The following NCAPG variants were observed in gnomAD, a reference collection of about 807,000 sequenced individuals.
NCAPG encodes non-SMC condensin I complex subunit G, also known as condensin complex subunit 3.
Under a neutral mutation model 113.1 loss-of-function variants are expected in NCAPG, and 69 were observed. The ratio of observed to expected loss-of-function variants is 0.61; its 90% CI spans 0.50 to 0.75. NCAPG has a LOEUF of 0.75. NCAPG is among the 30% of genes least tolerant of loss of function. NCAPG has a pLI of 0.00. For missense variants in NCAPG, 1,058 were observed against 1,177.0 expected, an observed-to-expected ratio of 0.90 and a Z score of 1.48; for synonymous variants, 370 against 415.8, an observed-to-expected ratio of 0.89 and a Z score of 1.34.
intron 3 of NCAPG, 109 bp from the exon 4 acceptor site, chr4:17,814,744 T>C (rs904108319): frequency 8.0e-7 from 1 of 1,248,262 alleles, no homozygotes. Flanking sequence ...ATGCCCAGCC[T>C]ATCTTTATCA....
rs16895868 is a variant in NCAPG at position 17,840,719 on chromosome 4, T to C, written c.2854+26T>C. On this transcript the variant is annotated intron_variant, in intron 19 of 20. Coordinates refer to ENST00000251496, the MANE Select transcript of NCAPG (RefSeq NM_022346.5). The stretch of plus-strand genomic sequence containing the variant: ...GTAGTGTGTGGATTGACCATCTTTA[T>C]GATAAAAGTTTTAAATTTTATCTTC... 9.7e-3 allele frequency: 13,497 copies of C among 1,388,994 alleles called. 1,119 individuals carry two copies. In the African/African-American group the frequency reaches 0.18, roughly 19 times the overall value. The allele number at this position is 1,388,994 out of a possible 1,614,324, so 86.0% of individuals were successfully genotyped here. A position where few individuals can be genotyped will look rare whatever the true frequency, so the allele number is the denominator to read the frequency against.
intron 19 of NCAPG, 150 bp from the exon 20 acceptor site, chr4:17,842,160 C>CTGG (rs1200212405): frequency 1.7e-6 from 1 of 591,412 alleles, no homozygotes; most frequent in African/African-American, 1.9e-5. Flanking sequence ...GCAGTGATAA[C>CTGG]TGGTACCAAG....
chr4:17,813,631 T>G (rs1050974339), intron 3 of NCAPG, among the ~76,000 whole-genome samples: 10 of 152,200 alleles, frequency 6.6e-5, no homozygotes, highest in South Asian at 4.1e-4. Flanking sequence ...TTGGGTTATA[T>G]GAATTGTAGA....
At position 17,814,904 on chromosome 4, in the gene NCAPG, T is replaced by C; in HGVS notation, c.596T>C (p.Val199Ala). The C allele has an allele frequency of 1.5e-5, 25 of 1,614,208 alleles. No homozygotes were observed. Among genetic ancestry groups the C allele is most frequent in the Non-Finnish European group, 2.1e-5 (25 of 1,180,020 alleles). ...NDSNPEVRRA[V>A]LSCIAPSAKT... is the part of the protein sequence containing the mutation. ...TCAAATCCAGAAGTTAGACGGGCAG[T>C]GTTATCATGTATTGCACCATCAGCA... Residue 199 changes from valine (V) to alanine (A), a missense_variant, in exon 4 of 21, where the codon GTG becomes GCG. Physicochemically the swap from Val to Ala is moderately conservative, Grantham distance 64 (BLOSUM62 0). Transcript: ENST00000251496.
rs1560239351 is a variant in NCAPG, at chr4:17,844,064, G to A, written c.*639G>A. On this transcript the variant is annotated 3_prime_UTR_variant, in exon 21 of 21. Coordinates refer to ENST00000251496, the MANE Select transcript of NCAPG (RefSeq NM_022346.5). ...TTGTTTGTGAATGTTTCCTGGATTAGGGAGGTGTCAACATAAATGTATTAT... is the reference window on the plus strand; with the variant it reads ...TTGTTTGTGAATGTTTCCTGGATTAAGGAGGTGTCAACATAAATGTATTAT... The A allele has an allele frequency of 6.6e-6, 1 of 151,896 alleles. No individual in the cohort carries two copies. Among genetic ancestry groups the A allele is most frequent in the Non-Finnish European group, 1.5e-5 (1 of 67,830 alleles). 9.4% of individuals were successfully genotyped at this position (151,896 alleles called of 1,614,324 possible). A position where few individuals can be genotyped will look rare whatever the true frequency, so the allele number is the denominator to read the frequency against.
In NCAPG at chr4:17,822,190, CTTTTTTTTTTT is replaced by C. The variant is rs1159844034; in HGVS notation, c.1119-782_1119-772del. On this transcript the variant is annotated intron_variant, in intron 7 of 20. Transcript: ENST00000251496. Reference sequence around the variant, plus strand: ...TAATTAGGCATGATGAAGATTAAATCTTTTTTTTTTTTTTTTTTTTTGAGATGGAGTTTTTC... The same window carrying C: ...TAATTAGGCATGATGAAGATTAAATCTTTTTTTTTTGAGATGGAGTTTTTC... Among the ~76,000 whole-genome samples the C allele has an allele frequency of 4.5e-5, 5 of 111,762 alleles. No homozygotes were observed. In the East Asian group the frequency reaches 1.3e-3, roughly 29 times the overall value. The allele number at this position is 111,762 out of a possible 152,430, so 73.3% of individuals were successfully genotyped here. A position where few individuals can be genotyped will look rare whatever the true frequency, so the allele number is the denominator to read the frequency against.
intron 7 of NCAPG, among the ~76,000 whole-genome samples, chr4:17,820,123 A>T (rs919329445): frequency 6.6e-6 from 1 of 152,134 alleles, no homozygotes; most frequent in African/African-American, 2.4e-5. Flanking sequence ...AATATGAGGA[A>T]ATGTTAAATA....
chr4:17,821,919 A>G (rs1234252221), intron 7 of NCAPG, among the ~76,000 whole-genome samples: 1 of 152,142 alleles, frequency 6.6e-6, no homozygotes, highest in African/African-American at 2.4e-5. Flanking sequence ...TACTGAATAT[A>G]CAGCCTTCTT....
At chr4:17,842,110 TAA>T in intron 19 of NCAPG, 198 bp from the exon 20 acceptor site, 1 of 513,230 alleles carries the variant, frequency 1.9e-6, no homozygotes. Flanking sequence ...GCTTACAAAA[TAA>T]ATTAAGTTTT....
At chr4:17,821,955 T>C (rs1721473234) in intron 7 of NCAPG, among the ~76,000 whole-genome samples, 1 of 152,052 alleles carries the variant, frequency 6.6e-6, no homozygotes, top group South Asian at 2.1e-4. Context: ...GGGCTTTAGT[T>C]TGGGTGGTGA....
Position 17,828,275 on chromosome 4 carries a change from T to G in NCAPG, c.1654-3T>G. 6.3e-7 allele frequency: 1 copy of G among 1,597,572 alleles called. No homozygotes were observed. Among genetic ancestry groups the G allele is most frequent in the Non-Finnish European group, 8.5e-7 (1 of 1,170,986 alleles). On this transcript the variant is annotated splice_polypyrimidine_tract_variant and splice_region_variant and intron_variant, in intron 11 of 20. Transcript: ENST00000251496. ...AATGCTGAATATTTTGTCTTCATTT[T>G]AGAATGATGCTGAAACATTGCAGAA...
Position 17,817,322 on chromosome 4 carries a change from AAATATCTTAG to A in NCAPG, c.839_848del (p.Asn280SerfsTer8). On this transcript the variant is annotated frameshift_variant, in exon 6 of 21. Coordinates refer to ENST00000251496, the MANE Select transcript of NCAPG (RefSeq NM_022346.5). LOFTEE classifies it high-confidence loss of function. The stretch of plus-strand genomic sequence containing the variant: ...AAGGCTGGTTACGGTTCTCTGAAGG[AAATATCTTAG>A]AGTTGCTCCATCGGTTGGATGTAGA... The A allele has an allele frequency of 6.2e-7, 1 of 1,614,122 alleles. No individual in the cohort carries two copies. The highest frequency in any genetic ancestry group is 1.3e-5 in the African/African-American group (1 of 75,044).
intron 14 of NCAPG, among the ~76,000 whole-genome samples, 170 bp downstream of exon 14, chr4:17,834,693 A>G (rs1354332235): frequency 1.3e-5 from 2 of 152,022 alleles, no homozygotes; most frequent in Non-Finnish European, 2.9e-5. Flanking sequence ...GCACCCATCA[A>G]CCCATCTACA....
chr4:17,818,322 A>G (rs1721304281), intron 7 of NCAPG, among the ~76,000 whole-genome samples: 1 of 152,212 alleles, frequency 6.6e-6, no homozygotes, highest in Non-Finnish European at 1.5e-5. Flanking sequence ...AGATATGATT[A>G]TGACCATTTC....
intron 3 of NCAPG, 41 bp from the exon 4 acceptor site, chr4:17,814,812 A>G: frequency 6.4e-7 from 1 of 1,572,116 alleles, no homozygotes; most frequent in Middle Eastern, 1.9e-4. Context: ...TAGTTAAATA[A>G]ATAATTTCAT....
chr4:17,840,371 GTTTA>G (rs1221076831), intron 18 of NCAPG, among the ~76,000 whole-genome samples, 162 bp downstream of exon 18: 18 of 151,578 alleles, frequency 1.2e-4, no homozygotes, highest in Admixed American at 1.1e-3. Context: ...ACTGATAAAT[GTTTA>G]TTCTGCTTTT....
intron 7 of NCAPG, among the ~76,000 whole-genome samples, chr4:17,820,243 G>A (rs1053954099): frequency 1.3e-5 from 2 of 152,150 alleles, no homozygotes; most frequent in Non-Finnish European, 2.9e-5. Context: ...CATTTCCTTT[G>A]TCACTCTCTT....
chr4:17,816,861 G>A (rs1228391405), intron 5 of NCAPG, among the ~76,000 whole-genome samples: 4 of 152,038 alleles, frequency 2.6e-5, no homozygotes, highest in Non-Finnish European at 5.9e-5. Flanking sequence ...TTGGCTGGGC[G>A]CTATGGCTCA....
chr4:17,812,915 A>C lies in NCAPG; in HGVS notation c.316-2A>C, dbSNP rs922939289. On this transcript the variant is annotated splice_acceptor_variant, in intron 2 of 20. Coordinates refer to ENST00000251496, the MANE Select transcript of NCAPG (RefSeq NM_022346.5). LOFTEE classifies it high-confidence loss of function. ...ATAAATTTTGATTTGTTTCTGTTTTAGTCTCATGAAGCAAACAGCAATGCA... is the reference window on the plus strand; with the variant it reads ...ATAAATTTTGATTTGTTTCTGTTTTCGTCTCATGAAGCAAACAGCAATGCA... 1 of 1,612,158 alleles carries C rather than the reference A, an allele frequency of 6.2e-7. No individual in the cohort carries two copies. The highest frequency in any genetic ancestry group is 1.7e-5 in the Admixed American group (1 of 59,972).
Sources: gnomAD v4.1 joint callset for allele counts (sites outside exome capture counted in the v4.1 genomes callset) on GRCh38, gnomAD v4.1.1 for gene constraint, MANE v1.5 for transcripts, NCBI Gene and HGNC (gene_info 2026-07-23, HGNC 2026-07-21) for gene names.